RNF43: variants seen among roughly 807,000 people sequenced by gnomAD.
RNF43 encodes the protein E3 ubiquitin-protein ligase RNF43.
A neutral mutation model predicts 78.4 loss-of-function variants in RNF43; 37 were observed. The observed-to-expected ratio is 0.47, with a 90% CI of 0.36 to 0.62. The LOEUF (loss-of-function observed/expected upper bound fraction) is 0.62. Ranked by LOEUF, RNF43 falls within the 20% of genes least tolerant of loss-of-function variation. RNF43 has a pLI of 0.00. For missense variants in RNF43, 774 were observed against 1,007.9 expected, an observed-to-expected ratio of 0.77 and a Z score of 3.14; for synonymous variants, 347 against 395.0, an observed-to-expected ratio of 0.88 and a Z score of 1.44.
Position 58,357,951 on chromosome 17 carries a change from G to T in RNF43, c.1825C>A (p.Arg609=), listed in dbSNP as rs139405076. Residue 609 remains arginine (R), a synonymous_variant, in exon 9 of 10, where the codon CGG becomes AGG. Transcript: ENST00000407977. This position sits in a 1 kb window ranked among gnomAD's most constrained non-coding sequence, Gnocchi z 4.5. Reference sequence around the variant, plus strand: ...CTGGGGCACTGTGGGTTAGAGAGCCGCCCCGAAGGGGCTGCTGAGTTGGAT... The same window carrying T: ...CTGGGGCACTGTGGGTTAGAGAGCCTCCCCGAAGGGGCTGCTGAGTTGGAT... ...TRSNSAAPSG[R]LSNPQCPRAL... 1.9e-6 allele frequency: 3 copies of T among 1,611,580 alleles called. No individual in the cohort carries two copies. Among genetic ancestry groups the T allele is most frequent in the Non-Finnish European group, 8.5e-7 (1 of 1,179,004 alleles).
chr17:58,397,061 C>T (rs1040324538), intron 2 of RNF43, among the ~76,000 whole-genome samples: 1 of 151,368 alleles, frequency 6.6e-6, no homozygotes, highest in Admixed American at 6.6e-5. Flanking sequence ...AAAAAAAACT[C>T]CGTGTGTGTA....
Position 58,360,664 on chromosome 17 carries a change from G to T in RNF43, c.849+119C>A. 2 of 1,099,044 alleles carry T rather than the reference G, an allele frequency of 1.8e-6. No individual in the cohort carries two copies. Among genetic ancestry groups the T allele is most frequent in the Non-Finnish European group, 2.6e-6 (2 of 779,610 alleles). 68.1% of individuals were successfully genotyped at this position (1,099,044 alleles called of 1,614,324 possible). ...GGTCCCTGATCTCTGCCTCATGCAG[G>T]ACACATGGGAAACAGATGTAGCCAG... On this transcript the variant is annotated intron_variant, in intron 7 of 9. Coordinates refer to ENST00000407977, the MANE Select transcript of RNF43 (RefSeq NM_017763.6). The surrounding 1 kb of genome is among the most constrained non-coding windows in gnomAD (Gnocchi z 4.3).
intron 2 of RNF43, among the ~76,000 whole-genome samples, chr17:58,386,767 A>C (rs150059371): frequency 1.2e-3 from 187 of 152,250 alleles, no homozygotes; most frequent in Middle Eastern, 3.4e-3. Context: ...AAATGCCCCA[A>C]ATATCTCGTT....
intron 2 of RNF43, among the ~76,000 whole-genome samples, chr17:58,374,545 A>G (rs1205569868): frequency 6.6e-6 from 1 of 152,056 alleles, no homozygotes; most frequent in Non-Finnish European, 1.5e-5. Flanking sequence ...GGCGCCCGCC[A>G]CCATGTCTGG....
chr17:58,409,519 C>G (rs1002173896), intron 2 of RNF43, among the ~76,000 whole-genome samples: 1 of 152,024 alleles, frequency 6.6e-6, no homozygotes, highest in Non-Finnish European at 1.5e-5. Context: ...AAAACAAAAA[C>G]AAAAAGCAAA....
intron 8 of RNF43, among the ~76,000 whole-genome samples, chr17:58,359,912 G>A (rs1010742458): frequency 6.6e-6 from 1 of 152,048 alleles, no homozygotes; most frequent in Non-Finnish European, 1.5e-5. Flanking sequence ...GGCAATGAGA[G>A]TGAAACTCCG....
intron 2 of RNF43, among the ~76,000 whole-genome samples, chr17:58,410,016 G>GC (rs1005029842): frequency 3.8e-5 from 2 of 52,522 alleles, no homozygotes; most frequent in African/African-American, 7.4e-5. Flanking sequence ...CCCCAGCCCC[G>GC]CCCCCCACCA....
chr17:58,409,584 A>T (rs1818286620), intron 2 of RNF43, among the ~76,000 whole-genome samples: 1 of 152,192 alleles, frequency 6.6e-6, no homozygotes, highest in Admixed American at 6.5e-5. Flanking sequence ...TGTTGCCCAG[A>T]CTGGTCTCCA....
intron 2 of RNF43, among the ~76,000 whole-genome samples, chr17:58,372,735 G>A (rs1047079482): frequency 1.3e-5 from 2 of 152,202 alleles, no homozygotes; most frequent in Non-Finnish European, 2.9e-5. Flanking sequence ...CAATACATAT[G>A]GGAAGCAGAG....
At chr17:58,373,093 C>G (rs113212925) in intron 2 of RNF43, among the ~76,000 whole-genome samples, 1,865 of 152,242 alleles carry the variant, frequency 0.012, 48 homozygotes, top group African/African-American at 0.044. Context: ...AAGATGGAGG[C>G]CTTCCCTGAG....
chr17:58,363,670 A>C, intron 3 of RNF43, 70 bp from the exon 4 acceptor site: 3 of 1,294,046 alleles, frequency 2.3e-6, no homozygotes, highest in Non-Finnish European at 3.3e-6. Flanking sequence ...GGCTAGCCTC[A>C]CCCCTCACAC....
At chr17:58,393,782 C>T (rs952217953) in intron 2 of RNF43, among the ~76,000 whole-genome samples, 8 of 152,244 alleles carry the variant, frequency 5.3e-5, no homozygotes, top group Middle Eastern at 3.4e-3. Context: ...GGGCCGGGCG[C>T]GGTGGCTCAC....
intron 2 of RNF43, among the ~76,000 whole-genome samples, chr17:58,397,767 G>A (rs975485723): frequency 1.3e-5 from 2 of 151,948 alleles, no homozygotes; most frequent in African/African-American, 4.8e-5. Context: ...AAATGAGACC[G>A]CAGTCAAGTC....
chr17:58,392,879 T>C (rs776396963), intron 2 of RNF43, among the ~76,000 whole-genome samples: 14 of 152,248 alleles, frequency 9.2e-5, no homozygotes, highest in Non-Finnish European at 1.9e-4. Context: ...TAGTGGGGCA[T>C]AGGCCCTGGT....
Position 58,355,784 on chromosome 17 carries a change from C to T in RNF43, c.2309-798G>A, listed in dbSNP as rs540077559. Among the ~76,000 whole-genome samples the T allele has an allele frequency of 7.9e-5, 12 of 152,166 alleles. No individual in the cohort carries two copies. In the South Asian group the frequency reaches 2.5e-3, roughly 32 times the overall value. On this transcript the variant is annotated intron_variant, in intron 9 of 9. Coordinates refer to ENST00000407977, the MANE Select transcript of RNF43 (RefSeq NM_017763.6). ...AGGTGAGCAGTGGAGCTGTGGTGCA[C>T]AACTTTATGGGACATACTGGATGGG...
chr17:58,414,319 T>C (rs571083547), intron 2 of RNF43, among the ~76,000 whole-genome samples: 21 of 152,232 alleles, frequency 1.4e-4, no homozygotes, highest in Non-Finnish European at 3.1e-4. Flanking sequence ...ATTGGTTCTG[T>C]TCATAGTCTG....
At chr17:58,365,651 A>T (rs1366865185) in intron 3 of RNF43, among the ~76,000 whole-genome samples, 1 of 152,222 alleles carries the variant, frequency 6.6e-6, no homozygotes, top group Non-Finnish European at 1.5e-5. Context: ...AAAAAGCAAG[A>T]TTTGGGGACA....
chr17:58,415,066 A>C (rs577036844), intron 2 of RNF43, among the ~76,000 whole-genome samples: 1 of 152,346 alleles, frequency 6.6e-6, no homozygotes, highest in South Asian at 2.1e-4. Flanking sequence ...AAAAGGTATT[A>C]TTATGTCTAT....
At position 58,357,915 on chromosome 17, in the gene RNF43, C is replaced by T. The variant is rs1598126257; in HGVS notation, c.1861G>A (p.Glu621Lys). 6.2e-7 allele frequency: 1 copy of T among 1,613,450 alleles called. No individual in the cohort carries two copies. Among genetic ancestry groups the T allele is most frequent in the African/African-American group, 1.3e-5 (1 of 74,908 alleles). The change falls in exon 9 of 10, where the codon GAG (glutamate) becomes AAG (lysine). Residue 621 changes from glutamate (E) to lysine (K), a missense_variant. Glu to Lys is a moderately conservative substitution (Grantham distance 56, BLOSUM62 1). Coordinates refer to ENST00000407977, the MANE Select transcript of RNF43 (RefSeq NM_017763.6). The surrounding 1 kb of genome is among the most constrained non-coding windows in gnomAD (Gnocchi z 4.5). Reference sequence around the variant, plus strand: ...GCGTCAACTGGGCCAGGGGCTGGCTCAGGGAGGGCCCTGGGGCACTGTGGG... The same window carrying T: ...GCGTCAACTGGGCCAGGGGCTGGCTTAGGGAGGGCCCTGGGGCACTGTGGG... ...SNPQCPRALP[E>K]PAPGPVDASS...
Sources: allele counts gnomAD v4.1 joint callset (sites outside exome capture counted in the v4.1 genomes callset), GRCh38; gene constraint gnomAD v4.1.1; non-coding constraint Gnocchi (gnomAD v3.1); transcripts MANE v1.5; gene names NCBI Gene and HGNC (gene_info 2026-07-23, HGNC 2026-07-21).